ADGRB1: variants seen among roughly 807,000 people sequenced by gnomAD.
ADGRB1 encodes the protein adhesion G protein-coupled receptor B1, also known as brain-specific angiogenesis inhibitor 1.
A neutral mutation model predicts 175.7 loss-of-function variants in ADGRB1; 36 were observed. The observed-to-expected ratio is 0.20, with a 90% CI of 0.16 to 0.27. The LOEUF (loss-of-function observed/expected upper bound fraction) is 0.27, where lower values mean the gene tolerates loss of function less well. Among genes scored for constraint, ADGRB1 ranks in the 10% least tolerant of loss-of-function variants. The pLI is 1.00. For synonymous variants in ADGRB1, 1,054 were observed against 979.4 expected (o/e 1.08, Z -1.42); for missense variants, 1,731 against 2,255.3 (o/e 0.77, Z 4.71).
Position 142,464,922 on chromosome 8 carries a change from G to A in ADGRB1, c.724G>A (p.Gly242Ser), listed in dbSNP as rs1338241546. 19 of 1,529,648 alleles carry A rather than the reference G, an allele frequency of 1.2e-5. No homozygotes were observed. Among genetic ancestry groups the A allele is most frequent in the Non-Finnish European group, 1.7e-5 (19 of 1,143,608 alleles). 94.8% of individuals were successfully genotyped at this position (1,529,648 alleles called of 1,614,324 possible). A position where few individuals can be genotyped will look rare whatever the true frequency, so the allele number is the denominator to read the frequency against. The change falls in exon 2 of 31, where the codon GGT becomes AGT. Residue 242 changes from glycine (G) to serine (S), a missense_variant. This residue lies in a region of ADGRB1 where 383 missense variants were observed against 383.1 expected (regional missense o/e 1.00). Coordinates refer to ENST00000517894, the MANE Select transcript of ADGRB1 (RefSeq NM_001702.3). The stretch of plus-strand genomic sequence containing the variant: ...TGTCTGCTTGAGAGATGCGGTGGCT[G>A]GTGGCCCTGAAAACTGCCTCACCAG... ...GDVCLRDAVA[G>S]GPENCLTSLT...
Position 142,544,424 on chromosome 8 carries a change from G to A in ADGRB1, c.*7G>A, listed in dbSNP as rs1324988364. On this transcript the variant is annotated 3_prime_UTR_variant, in exon 31 of 31. Coordinates refer to ENST00000517894, the MANE Select transcript of ADGRB1 (RefSeq NM_001702.3). ...CCTCCAGACCGAGGTCTGAGCGGGTGGGCGGCGGCCACGCACTGGGCCACG... is the reference window on the plus strand; with the variant it reads ...CCTCCAGACCGAGGTCTGAGCGGGTAGGCGGCGGCCACGCACTGGGCCACG... 4 of 1,469,070 alleles carry A rather than the reference G, an allele frequency of 2.7e-6. No homozygotes were observed. Among genetic ancestry groups the A allele is most frequent in the Admixed American group, 2.4e-5 (1 of 41,088 alleles). The allele number at this position is 1,469,070 out of a possible 1,614,324, so 91.0% of individuals were successfully genotyped here. A position where few individuals can be genotyped will look rare whatever the true frequency, so the allele number is the denominator to read the frequency against.
chr8:142,500,558 A>AC (rs1364930533), intron 17 of ADGRB1, among the ~76,000 whole-genome samples: 1 of 151,262 alleles, frequency 6.6e-6, no homozygotes, highest in Non-Finnish European at 1.5e-5. Flanking sequence ...TCCGCTCAGC[A>AC]CCCGTGTCCC....
intron 2 of ADGRB1, among the ~76,000 whole-genome samples, chr8:142,465,950 C>T (rs528675706): frequency 2.0e-5 from 3 of 152,256 alleles, no homozygotes; most frequent in South Asian, 2.1e-4. Flanking sequence ...CAGGAGCGTG[C>T]GCAGGAGCAG....
chr8:142,496,733 A>G (rs1221657848), intron 17 of ADGRB1, among the ~76,000 whole-genome samples: 1 of 152,164 alleles, frequency 6.6e-6, no homozygotes, highest in African/African-American at 2.4e-5. Context: ...CGGGGATGTT[A>G]GTACAAGCCG....
chr8:142,497,588 G>T (rs1033777779), intron 17 of ADGRB1, among the ~76,000 whole-genome samples: 1 of 152,198 alleles, frequency 6.6e-6, no homozygotes, highest in African/African-American at 2.4e-5. Flanking sequence ...ATTGAGGAGG[G>T]AGGAGGAGGA....
At chr8:142,531,239 G>A (rs185127890) in intron 24 of ADGRB1, among the ~76,000 whole-genome samples, 165 of 152,344 alleles carry the variant, frequency 1.1e-3, no homozygotes, top group African/African-American at 3.8e-3. Flanking sequence ...TGGGAAAACC[G>A]AGGCCCCAGC....
At chr8:142,494,248 A>C (rs533373133) in intron 17 of ADGRB1, among the ~76,000 whole-genome samples, 11 of 152,002 alleles carry the variant, frequency 7.2e-5, no homozygotes, top group Non-Finnish European at 1.0e-4. Flanking sequence ...TTCTGATCCT[A>C]CTCACTCACT....
Position 142,539,657 on chromosome 8 carries a change from G to C in ADGRB1, c.3706+244G>C, listed in dbSNP as rs936124718. The C allele has an allele frequency of 2.4e-5, 14 of 585,806 alleles. No individual in the cohort carries two copies. The East Asian group carries it at 2.8e-4, about 12-fold the overall frequency. The allele number at this position is 585,806 out of a possible 1,614,324, so 36.3% of individuals were successfully genotyped here. A position where few individuals can be genotyped will look rare whatever the true frequency, so the allele number is the denominator to read the frequency against. On this transcript the variant is annotated intron_variant, in intron 27 of 30. Transcript: ENST00000517894. ...CATGGGGCATGATCAGAAGCTTCCA[G>C]AACACTGCCCTGGCACTCCTGCTGA...
Position 142,524,322 on chromosome 8 carries a change from C to A in ADGRB1, c.3312+18C>A, listed in dbSNP as rs1250771177. ...TTGTGCTGGTACTGACCCGCCCAGG[C>A]CCCACTCCCCACGACCCCACCTGGG... On this transcript the variant is annotated intron_variant, in intron 23 of 30. Transcript: ENST00000517894. 5.7e-6 allele frequency: 9 copies of A among 1,573,408 alleles called. No individual in the cohort carries two copies. The highest frequency in any genetic ancestry group is 6.9e-6 in the Non-Finnish European group (8 of 1,165,984).
At chr8:142,481,853 C>T (rs1841354876) in intron 11 of ADGRB1, 142 bp downstream of exon 11, 1 of 747,466 alleles carries the variant, frequency 1.3e-6, no homozygotes, top group Non-Finnish European at 2.1e-6. Context: ...ACCTTTGTCA[C>T]ACATTTAATC....
rs537533287 is a variant in ADGRB1 at position 142,544,437 on chromosome 8, G to A, written c.*20G>A. ...GTCTGAGCGGGTGGGCGGCGGCCAC[G>A]CACTGGGCCACGGAGGAGGGATGCT... On this transcript the variant is annotated 3_prime_UTR_variant, in exon 31 of 31. Coordinates refer to ENST00000517894, the MANE Select transcript of ADGRB1 (RefSeq NM_001702.3). 3.4e-6 allele frequency: 5 copies of A among 1,455,182 alleles called. No individual in the cohort carries two copies. Among genetic ancestry groups the A allele is most frequent in the East Asian group, 2.5e-5 (1 of 39,462 alleles). The allele number at this position is 1,455,182 out of a possible 1,614,324, so 90.1% of individuals were successfully genotyped here.
At chr8:142,458,198 G>A (rs1442822783) in intron 1 of ADGRB1, among the ~76,000 whole-genome samples, 2 of 152,208 alleles carry the variant, frequency 1.3e-5, no homozygotes, top group Non-Finnish European at 2.9e-5. Context: ...CGGGCATGGG[G>A]TGCCGAGCCT....
At chr8:142,517,622 C>T (rs1396884291) in intron 18 of ADGRB1, among the ~76,000 whole-genome samples, 2 of 151,904 alleles carry the variant, frequency 1.3e-5, no homozygotes, top group East Asian at 1.9e-4. Context: ...GGAAGCTGGT[C>T]GGGATGTGTC....
At chr8:142,528,121 G>T (rs573953264) in intron 24 of ADGRB1, among the ~76,000 whole-genome samples, 2 of 152,198 alleles carry the variant, frequency 1.3e-5, no homozygotes, top group African/African-American at 4.8e-5. Flanking sequence ...ATGTGTGCAC[G>T]CACACCCACA....
At chr8:142,469,203 GTGAATGTGTGTGCATATCTGTGAA>G (rs1840456119) in intron 2 of ADGRB1, among the ~76,000 whole-genome samples, 2 of 151,728 alleles carry the variant, frequency 1.3e-5, no homozygotes, top group Admixed American at 6.6e-5. Flanking sequence ...ATGTGCATGT[GTGAATGTGTGTGCATATCTGTGAA>G]TGTGAATGTG....
At chr8:142,521,868 G>C in intron 20 of ADGRB1, 97 bp from the exon 21 acceptor site, 2 of 1,416,122 alleles carry the variant, frequency 1.4e-6, no homozygotes, top group South Asian at 2.6e-5. Flanking sequence ...TGAGGGTGCT[G>C]GGTGCTGGGC....
At position 142,486,566 on chromosome 8, in the gene ADGRB1, G is replaced by A. The variant is rs563583501; in HGVS notation, c.2309-1798G>A. On this transcript the variant is annotated intron_variant, in intron 13 of 30. Coordinates refer to ENST00000517894, the MANE Select transcript of ADGRB1 (RefSeq NM_001702.3). ...TAAGTTAAGCAACCCTAACTTCCACGTGACCAGACCTGTACTGCAGGCGGC... is the reference window on the plus strand; with the variant it reads ...TAAGTTAAGCAACCCTAACTTCCACATGACCAGACCTGTACTGCAGGCGGC... Among the ~76,000 whole-genome samples, 5 of 152,314 alleles carry A rather than the reference G, an allele frequency of 3.3e-5. No homozygotes were observed. In the South Asian group the frequency reaches 8.3e-4, roughly 25 times the overall value.
At chr8:142,450,418 C>T (rs1839272288) in intron 1 of ADGRB1, among the ~76,000 whole-genome samples, 1 of 152,168 alleles carries the variant, frequency 6.6e-6, no homozygotes, top group Non-Finnish European at 1.5e-5. Flanking sequence ...ATCCACACAC[C>T]ACAGCCTGGC....
chr8:142,496,771 C>T (rs1842235674), intron 17 of ADGRB1, among the ~76,000 whole-genome samples: 1 of 152,164 alleles, frequency 6.6e-6, no homozygotes. Flanking sequence ...CCTTACCATG[C>T]TACCCTAGCG....
Sources: gnomAD v4.1 joint callset for allele counts (sites outside exome capture counted in the v4.1 genomes callset) on GRCh38, gnomAD v4.1.1 for gene constraint, gnomAD v4.1.1 regional missense constraint, MANE v1.5 for transcripts, NCBI Gene and HGNC (gene_info 2026-07-23, HGNC 2026-07-21) for gene names.